Variants in SYTL5 observed in about 807,000 individuals in gnomAD.
SYTL5 encodes synaptotagmin-like protein 5.
A neutral mutation model predicts 55.9 loss-of-function variants in SYTL5; 34 were observed. The observed-to-expected ratio is 0.61, with a 90% CI of 0.46 to 0.81. The LOEUF (loss-of-function observed/expected upper bound fraction) is 0.81, where lower values mean the gene tolerates loss of function less well. SYTL5 is among the 30% of genes least tolerant of loss of function. SYTL5 has a pLI of 0.00. For missense variants in SYTL5, 637 were observed against 546.7 expected (o/e 1.17, Z -1.65); for synonymous variants, 221 against 188.7 (o/e 1.17, Z -1.40).
intron 2 of SYTL5, among the ~76,000 whole-genome samples, chrX:38,038,872 T>C (rs1011335106): frequency 8.9e-6 from 1 of 112,171 alleles, no homozygotes; most frequent in African/African-American, 3.2e-5. Context: ...TGTGTTTATT[T>C]GTTTGAATAG....
chrX:38,041,968 G>A (rs1935299732), intron 2 of SYTL5, among the ~76,000 whole-genome samples: 1 of 110,361 alleles, frequency 9.1e-6, no homozygotes, highest in African/African-American at 3.3e-5. Flanking sequence ...TTTTCCTTAT[G>A]CTAGAAACAT....
chrX:37,912,939 C>T, the SYTL5 span, among the ~76,000 whole-genome samples: 2 of 111,743 alleles, frequency 1.8e-5, no homozygotes, highest in East Asian at 5.6e-4. Context: ...CCTGGCATCC[C>T]TTGTATCAAG....
intron 2 of SYTL5, among the ~76,000 whole-genome samples, chrX:38,041,308 A>G (rs781685196): frequency 1.8e-4 from 20 of 112,425 alleles, no homozygotes; most frequent in Non-Finnish European, 3.2e-4. Context: ...CCCTTTTAAT[A>G]CACTATAAAT....
chrX:37,959,245 C>T, the SYTL5 span, among the ~76,000 whole-genome samples: 12 of 111,637 alleles, frequency 1.1e-4, no homozygotes, highest in African/African-American at 1.3e-4. Context: ...ACCTAAACGA[C>T]GGATGAATAA....
chrX:37,909,153 C>T, the SYTL5 span, among the ~76,000 whole-genome samples: 190 of 111,519 alleles, frequency 1.7e-3, 1 homozygote, highest in African/African-American at 6.0e-3. Flanking sequence ...AGCACACACA[C>T]ACACACTAAA....
At chrX:38,086,082 A>G (rs1936655615) in intron 6 of SYTL5, among the ~76,000 whole-genome samples, 1 of 111,688 alleles carries the variant, frequency 9.0e-6, no homozygotes, top group Non-Finnish European at 1.9e-5. Context: ...ATAACAATGC[A>G]GTTTATATAG....
chrX:38,016,722 G>A (rs1048314982), intron 1 of SYTL5, among the ~76,000 whole-genome samples: 2 of 111,590 alleles, frequency 1.8e-5, no homozygotes, highest in African/African-American at 3.3e-5. Flanking sequence ...TTCACCAAAC[G>A]TACAGGTAGA....
chrX:38,030,170 C>T (rs1934909802), intron 1 of SYTL5, among the ~76,000 whole-genome samples: 1 of 110,933 alleles, frequency 9.0e-6, no homozygotes, highest in Non-Finnish European at 1.9e-5. Context: ...CCACATATTC[C>T]CCCAATAACT....
chrX:38,103,119 C>A lies in SYTL5; in HGVS notation c.1155+685C>A, dbSNP rs780327311. The A allele has an allele frequency of 5.8e-5, 62 of 1,062,442 alleles. No homozygotes were observed. The African/African-American group carries it at 1.0e-3, about 18-fold the overall frequency. 87.6% of individuals were successfully genotyped at this position (1,062,442 alleles called of 1,213,427 possible). The stretch of plus-strand genomic sequence containing the variant: ...GAGTTTTCAACCTTTCCTTTTTGTT[C>A]TTTCCAACCATACTTCACAAATTTC... On this transcript the variant is annotated intron_variant, in intron 10 of 16. Transcript: ENST00000297875.
At chrX:37,920,698 C>G in the SYTL5 span, among the ~76,000 whole-genome samples, 1 of 110,695 alleles carries the variant, frequency 9.0e-6, no homozygotes, top group Non-Finnish European at 1.9e-5. Context: ...CCTTCTGTGC[C>G]CCCAATATGT....
the SYTL5 span, among the ~76,000 whole-genome samples, chrX:37,917,240 C>T: frequency 2.7e-5 from 3 of 111,948 alleles, no homozygotes; most frequent in African/African-American, 9.7e-5. Flanking sequence ...TTCCATACTG[C>T]ATGCCCATAT....
the SYTL5 span, chrX:37,994,457 G>C: frequency 3.5e-5 from 5 of 141,350 alleles, no homozygotes; most frequent in African/African-American, 1.6e-4. Context: ...GAGAAAGTCA[G>C]CATGCCCGGC....
chrX:37,919,746 T>C, the SYTL5 span, among the ~76,000 whole-genome samples: 16 of 112,637 alleles, frequency 1.4e-4, no homozygotes, highest in East Asian at 4.2e-3. Flanking sequence ...TCCTCTATTT[T>C]TCTTCTGAAG....
the SYTL5 span, among the ~76,000 whole-genome samples, chrX:37,978,759 AT>A: frequency 9.0e-6 from 1 of 111,399 alleles, no homozygotes; most frequent in Admixed American, 9.6e-5. Context: ...TGAGAACAAA[AT>A]AACCTAGAAA....
At chrX:38,074,349 A>G (rs73467414) in intron 5 of SYTL5, among the ~76,000 whole-genome samples, 250 of 111,844 alleles carry the variant, frequency 2.2e-3, no homozygotes, top group African/African-American at 7.8e-3. Context: ...TCATGCAGCT[A>G]TTGGCCAGTT....
Position 38,106,792 on chromosome X carries a change from T to C in SYTL5, c.1334+21T>C, listed in dbSNP as rs372852306. 4.4e-6 allele frequency: 5 copies of C among 1,125,941 alleles called. No homozygotes were observed. In the African/African-American group the frequency reaches 5.5e-5, roughly 12 times the overall value. 92.8% of individuals were successfully genotyped at this position (1,125,941 alleles called of 1,213,427 possible). A position where few individuals can be genotyped will look rare whatever the true frequency, so the allele number is the denominator to read the frequency against. On this transcript the variant is annotated intron_variant, in intron 11 of 16. Coordinates refer to ENST00000297875, the MANE Select transcript of SYTL5 (RefSeq NM_138780.3). ...GATGCGTAAGCACATAGCATGTTCC[T>C]CAGACTATTTCAGTCACTGCCTTTT...
the SYTL5 span, among the ~76,000 whole-genome samples, chrX:37,989,977 A>G: frequency 9.0e-6 from 1 of 110,795 alleles, no homozygotes; most frequent in African/African-American, 3.3e-5. Context: ...GGTTCACACC[A>G]TTCTCTGGCC....
At chrX:38,082,816 C>T (rs1569180632) in intron 6 of SYTL5, among the ~76,000 whole-genome samples, 2 of 111,654 alleles carry the variant, frequency 1.8e-5, no homozygotes, top group Non-Finnish European at 3.8e-5. Flanking sequence ...GGAAAATAGA[C>T]ATAAAGTAGA....
chrX:37,945,604 C>T, the SYTL5 span, among the ~76,000 whole-genome samples: 28 of 111,428 alleles, frequency 2.5e-4, no homozygotes, highest in African/African-American at 4.2e-4. Flanking sequence ...GAACTTAGAG[C>T]GTGTCTTCAA....
Sources: allele counts gnomAD v4.1 joint callset (sites outside exome capture counted in the v4.1 genomes callset), GRCh38; gene constraint gnomAD v4.1.1; transcripts MANE v1.5; gene names NCBI Gene and HGNC (gene_info 2026-07-23, HGNC 2026-07-21).